Variants in ADNP observed in about 807,000 individuals in gnomAD.
The protein encoded by ADNP is activity dependent neuroprotector homeobox.
A neutral mutation model predicts 84.9 loss-of-function variants in ADNP; 4 were observed. The ratio of observed to expected loss-of-function variants is 0.05; its 90% confidence interval spans 0.02 to 0.11. ADNP has a LOEUF of 0.11. ADNP is among the 10% of genes least tolerant of loss of function. The pLI is 1.00. For missense variants in ADNP, 1,132 were observed against 1,326.0 expected, an observed-to-expected ratio of 0.85 and a Z score of 2.27; for synonymous variants, 554 against 468.1, an observed-to-expected ratio of 1.18 and a Z score of -2.37.
chr20:50,889,006 A>G lies in ADNP; in HGVS notation c.*2399T>C, dbSNP rs2122714393. 1 of 152,314 alleles carries G rather than the reference A, an allele frequency of 6.6e-6. No individual in the cohort carries two copies. Among genetic ancestry groups the G allele is most frequent in the African/African-American group, 2.4e-5 (1 of 41,564 alleles). The allele number at this position is 152,314 out of a possible 1,614,324, so 9.4% of individuals were successfully genotyped here. A position where few individuals can be genotyped will look rare whatever the true frequency, so the allele number is the denominator to read the frequency against. On this transcript the variant is annotated 3_prime_UTR_variant, in exon 6 of 6. Transcript: ENST00000621696. ...AGGTGGCAGCACGTTGCCATAGCCA[A>G]CGATCTCCAGATTATTTGAAAAGCA... is the stretch of plus-strand genomic sequence containing the variant.
At position 50,893,805 on chromosome 20, in the gene ADNP, C is replaced by T. The variant is rs141172488; in HGVS notation, c.909G>A (p.Met303Ile). The change falls in exon 6 of 6, where the codon ATG becomes ATA. Residue 303 changes from methionine (M) to isoleucine (I), a missense_variant. Met to Ile is a conservative substitution (Grantham distance 10, BLOSUM62 1). Coordinates refer to ENST00000621696, the MANE Select transcript of ADNP (RefSeq NM_001282531.3). The surrounding 1 kb of genome is among the most constrained non-coding windows in gnomAD (Gnocchi z 4.4). ...GCTTTGGTATTGAGAGTCGATTCAC[C>T]ATCTGCTGTGATGGTAAAGACCGGA... ...GNVRSLPSQQ[M>I]VNRLSIPKPN... 585 of 1,614,168 alleles carry T rather than the reference C, an allele frequency of 3.6e-4. No individual in the cohort carries two copies. Among genetic ancestry groups the T allele is most frequent in the Admixed American group, 8.8e-4 (53 of 60,024 alleles).
chr20:50,925,708 C>T (rs1012588008), intron 2 of ADNP, among the ~76,000 whole-genome samples: 1 of 152,206 alleles, frequency 6.6e-6, no homozygotes, highest in Non-Finnish European at 1.5e-5. Flanking sequence ...GTTTCAAACA[C>T]CGAGTTTCCA....
chr20:50,917,758 G>A (rs959908306), intron 2 of ADNP, among the ~76,000 whole-genome samples: 1 of 152,046 alleles, frequency 6.6e-6, no homozygotes, highest in Non-Finnish European at 1.5e-5. Context: ...ACATAAACTC[G>A]TGTATCAATA....
At chr20:50,929,041 A>C (rs1320671118) in intron 1 of ADNP, among the ~76,000 whole-genome samples, 3 of 151,914 alleles carry the variant, frequency 2.0e-5, no homozygotes, top group South Asian at 2.1e-4. Flanking sequence ...GATGTTTACC[A>C]ACAAGGCTTT....
At chr20:50,921,802 G>A (rs918709724) in intron 2 of ADNP, among the ~76,000 whole-genome samples, 1 of 152,236 alleles carries the variant, frequency 6.6e-6, no homozygotes, top group Non-Finnish European at 1.5e-5. Context: ...ACCTAAAATT[G>A]TATTTGAAAG....
At chr20:50,922,578 GTTTTTTT>G (rs58775431) in intron 2 of ADNP, among the ~76,000 whole-genome samples, 2 of 125,496 alleles carry the variant, frequency 1.6e-5, no homozygotes, top group Non-Finnish European at 1.7e-5. Flanking sequence ...GTCCTCCTGC[GTTTTTTT>G]TTTTTTTTTT....
chr20:50,924,349 C>T (rs1256493679), intron 2 of ADNP, among the ~76,000 whole-genome samples: 1 of 152,210 alleles, frequency 6.6e-6, no homozygotes, highest in East Asian at 1.9e-4. Context: ...AGCTTCTTTA[C>T]ATGTAGACGC....
chr20:50,912,338 T>G (rs565961967), intron 2 of ADNP, among the ~76,000 whole-genome samples: 1 of 152,174 alleles, frequency 6.6e-6, no homozygotes, highest in Non-Finnish European at 1.5e-5. Flanking sequence ...TTAGCAGAGA[T>G]GGGGTTTCAG....
At position 50,894,584 on chromosome 20, in the gene ADNP, C is replaced by CCA. The variant is rs1981190593; in HGVS notation, c.202-73_202-72insTG. On this transcript the variant is annotated intron_variant, in intron 5 of 5. Transcript: ENST00000621696. ...CAGTTAACAGATTCCAGATCCCCCC[C>CCA]GGATATTCTTAATAATGCATTGATT... The CCA allele has an allele frequency of 3.4e-6, 5 of 1,473,794 alleles. No homozygotes were observed. In the South Asian group the frequency reaches 6.9e-5, roughly 20 times the overall value. The allele number at this position is 1,473,794 out of a possible 1,614,324, so 91.3% of individuals were successfully genotyped here. A position where few individuals can be genotyped will look rare whatever the true frequency, so the allele number is the denominator to read the frequency against.
Position 50,890,083 on chromosome 20 carries a change from C to T in ADNP, c.*1322G>A. 1.4e-5 allele frequency: 4 copies of T among 282,988 alleles called. No homozygotes were observed. Among genetic ancestry groups the T allele is most frequent in the Non-Finnish European group, 2.6e-5 (4 of 156,150 alleles). 17.5% of individuals were successfully genotyped at this position (282,988 alleles called of 1,614,324 possible). A position where few individuals can be genotyped will look rare whatever the true frequency, so the allele number is the denominator to read the frequency against. ...TTTACATATATATGCAGGCTCTGCTCCTTAACAAAAGGTGAACTGAAAAAC... is the reference window on the plus strand; with the variant it reads ...TTTACATATATATGCAGGCTCTGCTTCTTAACAAAAGGTGAACTGAAAAAC... On this transcript the variant is annotated 3_prime_UTR_variant, in exon 6 of 6. Coordinates refer to ENST00000621696, the MANE Select transcript of ADNP (RefSeq NM_001282531.3).
chr20:50,920,344 G>A (rs535697897), intron 2 of ADNP, among the ~76,000 whole-genome samples: 99 of 151,432 alleles, frequency 6.5e-4, no homozygotes, highest in African/African-American at 2.4e-3. Flanking sequence ...ACTTTGGGAG[G>A]CCAAGGCAGA....
chr20:50,902,163 A>C, intron 4 of ADNP, 54 bp from the exon 5 acceptor site: 3 of 1,307,590 alleles, frequency 2.3e-6, no homozygotes, highest in Non-Finnish European at 3.3e-6. Flanking sequence ...ACGCTAACCC[A>C]ATCTTACATG....
chr20:50,907,946 A>G (rs988147755), intron 2 of ADNP, among the ~76,000 whole-genome samples: 2 of 152,198 alleles, frequency 1.3e-5, no homozygotes, highest in Admixed American at 6.5e-5. Context: ...CTTTCAGTGT[A>G]AAGATTATAA....
chr20:50,907,108 C>G (rs537089869), intron 2 of ADNP, among the ~76,000 whole-genome samples: 49 of 151,820 alleles, frequency 3.2e-4, no homozygotes, highest in African/African-American at 1.2e-3. Context: ...GCTGGGACTA[C>G]AGGCGCCACC....
chr20:50,929,014 G>A (rs1316608027), intron 1 of ADNP, among the ~76,000 whole-genome samples, 189 bp from the exon 2 acceptor site: 6 of 152,300 alleles, frequency 3.9e-5, no homozygotes, highest in Non-Finnish European at 7.4e-5. Context: ...CGACAATGAA[G>A]AACCCAACAT....
chr20:50,925,364 A>C (rs1984224447), intron 2 of ADNP, among the ~76,000 whole-genome samples: 1 of 152,118 alleles, frequency 6.6e-6, no homozygotes. Context: ...TTCTCATTCC[A>C]GTGAAGCAGA....
At chr20:50,897,907 A>C (rs373492598) in intron 5 of ADNP, among the ~76,000 whole-genome samples, 12 of 152,100 alleles carry the variant, frequency 7.9e-5, no homozygotes, top group African/African-American at 2.7e-4. Context: ...GTCACCCACG[A>C]CTTCTTATAT....
intron 2 of ADNP, chr20:50,905,490 C>T (rs1177504271): frequency 1.3e-5 from 2 of 152,004 alleles, no homozygotes; most frequent in Non-Finnish European, 2.9e-5. Context: ...CCAAAATCAA[C>T]GTTAACTATA....
intron 2 of ADNP, among the ~76,000 whole-genome samples, chr20:50,919,148 A>G (rs1983738154): frequency 6.6e-6 from 1 of 152,082 alleles, no homozygotes; most frequent in East Asian, 1.9e-4. Flanking sequence ...TGGACTAAAC[A>G]GAACTCTTAA....
Sources: allele counts gnomAD v4.1 joint callset (sites outside exome capture counted in the v4.1 genomes callset), GRCh38; gene constraint gnomAD v4.1.1; non-coding constraint Gnocchi (gnomAD v3.1); transcripts MANE v1.5; gene names NCBI Gene and HGNC (gene_info 2026-07-23, HGNC 2026-07-21).